PMEPA1: variants seen among roughly 807,000 people sequenced by gnomAD.
The protein encoded by PMEPA1 is protein TMEPAI.
Under a neutral mutation model 23.0 loss-of-function variants are expected in PMEPA1, and 11 were observed. The observed-to-expected ratio is 0.48, with a 90% CI of 0.30 to 0.79. The LOEUF is 0.79. Ranked by LOEUF, PMEPA1 falls within the 30% of genes least tolerant of loss-of-function variation. The pLI is 0.06. For missense variants in PMEPA1, 377 were observed against 390.9 expected, an observed-to-expected ratio of 0.96 and a Z score of 0.30; for synonymous variants, 204 against 166.4, an observed-to-expected ratio of 1.23 and a Z score of -1.74.
intron 2 of PMEPA1, among the ~76,000 whole-genome samples, chr20:57,653,818 T>A (rs1231107268): frequency 6.6e-6 from 1 of 152,170 alleles, no homozygotes; most frequent in African/African-American, 2.4e-5. Context: ...CTGAAGGGCC[T>A]CTCCCGTGAA....
Position 57,652,826 on chromosome 20 carries a change from G to A in PMEPA1, c.318+207C>T, listed in dbSNP as rs1402941955. ...CCTCCTCCAAACAGTGGCAGCGTCCGTGCTCCCGTGTGCAGAGAGCAGAGA... is the reference window on the plus strand; with the variant it reads ...CCTCCTCCAAACAGTGGCAGCGTCCATGCTCCCGTGTGCAGAGAGCAGAGA... On this transcript the variant is annotated intron_variant, in intron 3 of 3. Coordinates refer to ENST00000341744, the MANE Select transcript of PMEPA1 (RefSeq NM_020182.5). The surrounding 1 kb of genome is among the most constrained non-coding windows in gnomAD (Gnocchi z 6.1). Among the ~76,000 whole-genome samples the A allele has an allele frequency of 6.6e-6, 1 of 152,188 alleles. No homozygotes were observed. The highest frequency in any genetic ancestry group is 2.4e-5 in the African/African-American group (1 of 41,454).
chr20:57,676,919 A>T (rs908178461), intron 1 of PMEPA1, among the ~76,000 whole-genome samples: 2 of 152,076 alleles, frequency 1.3e-5, no homozygotes, highest in African/African-American at 2.4e-5. Flanking sequence ...AACAATCTTT[A>T]AAAAAAATCA....
intron 1 of PMEPA1, among the ~76,000 whole-genome samples, chr20:57,685,602 G>T (rs940241864): frequency 6.6e-6 from 1 of 152,102 alleles, no homozygotes; most frequent in African/African-American, 2.4e-5. Flanking sequence ...TGGACTGGCT[G>T]GGGGGAGGGG....
At chr20:57,674,466 G>A (rs1365132775) in intron 1 of PMEPA1, among the ~76,000 whole-genome samples, 3 of 152,168 alleles carry the variant, frequency 2.0e-5, no homozygotes, top group East Asian at 1.9e-4. Flanking sequence ...TTATTACAGC[G>A]GCCTGAGCAG....
At chr20:57,699,509 AGGACCC>A (rs1201086326) in intron 1 of PMEPA1, among the ~76,000 whole-genome samples, 5 of 152,224 alleles carry the variant, frequency 3.3e-5, no homozygotes, top group Admixed American at 2.0e-4. Context: ...AAAGAGCCCC[AGGACCC>A]CGCCACAGTC....
chr20:57,676,378 G>A (rs2071636461), intron 1 of PMEPA1, among the ~76,000 whole-genome samples: 1 of 152,202 alleles, frequency 6.6e-6, no homozygotes, highest in Non-Finnish European at 1.5e-5. Flanking sequence ...CATAATAAAT[G>A]GTGATCATCA....
intron 1 of PMEPA1, among the ~76,000 whole-genome samples, chr20:57,660,707 T>C (rs1434944935): frequency 7.9e-5 from 10 of 126,402 alleles, no homozygotes; most frequent in African/African-American, 3.4e-4. Flanking sequence ...CCTACACAAA[T>C]AACACCCCAA....
chr20:57,710,443 C>T, upstream of PMEPA1: 1 of 1,602,016 alleles, frequency 6.2e-7, no homozygotes, highest in Non-Finnish European at 8.5e-7. Flanking sequence ...GGGGAGGAAG[C>T]CCCCAAGATG....
At chr20:57,670,319 G>A (rs145193381) in intron 1 of PMEPA1, among the ~76,000 whole-genome samples, 1 of 152,250 alleles carries the variant, frequency 6.6e-6, no homozygotes, top group East Asian at 1.9e-4. Flanking sequence ...CTAGGCCTCC[G>A]TGGTGCAGCA....
At chr20:57,667,437 G>A (rs944007474) in intron 1 of PMEPA1, among the ~76,000 whole-genome samples, 4 of 152,266 alleles carry the variant, frequency 2.6e-5, no homozygotes, top group Middle Eastern at 3.4e-3. Flanking sequence ...CAGAAATAAC[G>A]GGGGCAACAA....
upstream of PMEPA1, chr20:57,710,404 G>C: frequency 6.4e-7 from 1 of 1,568,940 alleles, no homozygotes; most frequent in South Asian, 1.1e-5. Flanking sequence ...AAGGTCCCTG[G>C]GGGCTCAGGG....
At chr20:57,690,654 T>A in intron 1 of PMEPA1, 2 of 1,035,322 alleles carry the variant, frequency 1.9e-6, no homozygotes, top group Non-Finnish European at 2.5e-6. Flanking sequence ...GCGCTTCTCC[T>A]GCTTGGGCTC....
chr20:57,672,191 T>A (rs2071577711), intron 1 of PMEPA1, among the ~76,000 whole-genome samples: 1 of 152,266 alleles, frequency 6.6e-6, no homozygotes, highest in Admixed American at 6.5e-5. Context: ...CCAGAAAGAC[T>A]CTCGCACGCG....
intron 1 of PMEPA1, among the ~76,000 whole-genome samples, chr20:57,689,405 A>T (rs756262634): frequency 6.6e-6 from 1 of 152,148 alleles, no homozygotes; most frequent in Non-Finnish European, 1.5e-5. Flanking sequence ...CCCAGGCAGA[A>T]AGGTCGGCTG....
chr20:57,657,063 A>G (rs117771643), intron 2 of PMEPA1, among the ~76,000 whole-genome samples: 1 of 152,132 alleles, frequency 6.6e-6, no homozygotes, highest in Non-Finnish European at 1.5e-5. Context: ...CTATTGGCCG[A>G]AGGTGTGACG....
At chr20:57,695,080 C>T (rs1184038564) in intron 1 of PMEPA1, among the ~76,000 whole-genome samples, 2 of 152,280 alleles carry the variant, frequency 1.3e-5, no homozygotes, top group Non-Finnish European at 2.9e-5. Context: ...CGAAGCTCCA[C>T]ACTGAGGTCC....
In PMEPA1 at chr20:57,651,263, T is replaced by C. The variant is rs1423876278; in HGVS notation, c.*790A>G. ...AGAAGCATCCACTCTGCAGGGACAG[T>C]GGCCCCTCGGGAAAGCCCGCCGCTC... On this transcript the variant is annotated 3_prime_UTR_variant, in exon 4 of 4. Transcript: ENST00000341744. The C allele has an allele frequency of 6.6e-6, 1 of 152,350 alleles. No homozygotes were observed. The highest frequency in any genetic ancestry group is 3.4e-3 in the Middle Eastern group (1 of 294). The allele number at this position is 152,350 out of a possible 1,614,324, so 9.4% of individuals were successfully genotyped here.
chr20:57,707,042 T>C (rs551936293), intron 1 of PMEPA1, among the ~76,000 whole-genome samples: 41 of 152,208 alleles, frequency 2.7e-4, no homozygotes, highest in Non-Finnish European at 5.3e-4. Flanking sequence ...CTTAAGGACC[T>C]AGCAAGGTCA....
In PMEPA1 at chr20:57,688,448, T is replaced by C. The variant is rs189413960; in HGVS notation, c.109+21026A>G. Among the ~76,000 whole-genome samples, 316 of 152,180 alleles carry C rather than the reference T, an allele frequency of 2.1e-3. 1 individual carries two copies. The highest frequency in any genetic ancestry group is 7.5e-3 in the African/African-American group (310 of 41,508). On this transcript the variant is annotated intron_variant, in intron 1 of 3. Coordinates refer to ENST00000341744, the MANE Select transcript of PMEPA1 (RefSeq NM_020182.5). ...GTAGGCACTTCCTCCATGCCCCAGGTTGTGACAACCAAAAAGTCTCCAGAC... is the reference window on the plus strand; with the variant it reads ...GTAGGCACTTCCTCCATGCCCCAGGCTGTGACAACCAAAAAGTCTCCAGAC...
Sources: allele counts gnomAD v4.1 joint callset (sites outside exome capture counted in the v4.1 genomes callset), GRCh38; gene constraint gnomAD v4.1.1; non-coding constraint Gnocchi (gnomAD v3.1); transcripts MANE v1.5; gene names NCBI Gene and HGNC (gene_info 2026-07-23, HGNC 2026-07-21).